Variants in PARP4 observed in about 807,000 individuals in gnomAD.
PARP4 encodes the protein poly(ADP-ribose) polymerase family member 4.
A neutral mutation model predicts 187.7 loss-of-function variants in PARP4; 120 were observed. That is an observed-to-expected ratio of 0.64 (90% CI 0.55 to 0.74). The LOEUF (loss-of-function observed/expected upper bound fraction) is 0.74, where lower values mean the gene tolerates loss of function less well. Among genes scored for constraint, PARP4 ranks in the 30% least tolerant of loss-of-function variants. The pLI is 0.00. For missense variants in PARP4, 1,836 were observed against 2,070.5 expected (o/e 0.89, Z 2.20); for synonymous variants, 654 against 740.9 (o/e 0.88, Z 1.90).
intron 23 of PARP4, 123 bp downstream of exon 23, chr13:24,453,464 A>C: frequency 1.8e-6 from 1 of 556,178 alleles, no homozygotes; most frequent in Non-Finnish European, 3.3e-6. Context: ...AGAGCCCACC[A>C]ATATACAAAA....
rs559509577 is a variant in PARP4 at position 24,453,964 on chromosome 13, A to G, written c.2759-310T>C. Among the ~76,000 whole-genome samples the G allele has an allele frequency of 2.8e-3, 423 of 152,116 alleles. 1 individual carries two copies. Among genetic ancestry groups the G allele is most frequent in the Middle Eastern group, 0.014 (4 of 294 alleles). On this transcript the variant is annotated intron_variant, in intron 22 of 33. Coordinates refer to ENST00000381989, the MANE Select transcript of PARP4 (RefSeq NM_006437.4). ...AACCCTGTCTCTGCTAAAAATACAAAAATTAGCTGGGTGTGGTGGTGAGCA... is the reference window on the plus strand; with the variant it reads ...AACCCTGTCTCTGCTAAAAATACAAGAATTAGCTGGGTGTGGTGGTGAGCA...
At chr13:24,492,904 A>G (rs961137718) in intron 8 of PARP4, among the ~76,000 whole-genome samples, 2 of 152,238 alleles carry the variant, frequency 1.3e-5, no homozygotes, top group African/African-American at 2.4e-5. Context: ...ACTGTGATAG[A>G]CTTGCTTTTC....
intron 12 of PARP4, among the ~76,000 whole-genome samples, chr13:24,481,302 T>TA (rs1873266871): frequency 6.6e-6 from 1 of 152,244 alleles, no homozygotes; most frequent in Non-Finnish European, 1.5e-5. Context: ...GATGGAGAGG[T>TA]ACAAGGAATT....
intron 20 of PARP4, among the ~76,000 whole-genome samples, chr13:24,457,770 CAAAAAAAAAAAAAAAAA>C (rs33930012): frequency 1.2e-5 from 1 of 85,666 alleles, no homozygotes; most frequent in Non-Finnish European, 2.2e-5. Flanking sequence ...GACTCTGTCT[CAAAAAAAAAAAAAAAAA>C]AAAAAAAAAG....
At chr13:24,470,989 T>C (rs1722827554) in intron 15 of PARP4, among the ~76,000 whole-genome samples, 2 of 152,166 alleles carry the variant, frequency 1.3e-5, no homozygotes, top group South Asian at 4.1e-4. Flanking sequence ...AATCCCGGTC[T>C]GGCCAGCCAC....
Position 24,442,015 on chromosome 13 carries a change from T to C in PARP4, c.3544-47A>G, listed in dbSNP as rs1473034257. On this transcript the variant is annotated intron_variant, in intron 29 of 33. Coordinates refer to ENST00000381989, the MANE Select transcript of PARP4 (RefSeq NM_006437.4). ...TTAAATCAAACAGATGTTATCCAAT[T>C]AAATGATGACTACACATTCTAAAGC... The C allele has an allele frequency of 1.5e-5, 22 of 1,456,314 alleles. 1 individual carries two copies. In the South Asian group the frequency reaches 2.7e-4, roughly 18 times the overall value. The allele number at this position is 1,456,314 out of a possible 1,614,324, so 90.2% of individuals were successfully genotyped here.
rs1270327807 is a variant in PARP4, at chr13:24,434,665, C to A, written c.4476G>T (p.Arg1492=). 6.2e-7 allele frequency: 1 copy of A among 1,614,010 alleles called. No individual in the cohort carries two copies. Among genetic ancestry groups the A allele is most frequent in the Non-Finnish European group, 8.5e-7 (1 of 1,179,978 alleles). Residue 1492 remains arginine, a synonymous_variant, in exon 31 of 34, where the codon CGG becomes CGT. Transcript: ENST00000381989. Reference sequence around the variant, plus strand: ...GAAGACAGAGATCTACTGGGGTAGTCCGGGACTGACTGCAAAGAGCCTCAG... The same window carrying A: ...GAAGACAGAGATCTACTGGGGTAGTACGGGACTGACTGCAAAGAGCCTCAG... ...ALPEALCSQS[R]TTPVDLCLLE... is the part of the protein sequence containing the mutation.
chr13:24,512,213 G>T (rs1870052196), intron 1 of PARP4, among the ~76,000 whole-genome samples: 1 of 152,194 alleles, frequency 6.6e-6, no homozygotes, highest in Non-Finnish European at 1.5e-5. Flanking sequence ...CTGAGTTAGA[G>T]GTTTTCAACT....
At position 24,477,554 on chromosome 13, in the gene PARP4, G is replaced by A. The variant is rs1007231181; in HGVS notation, c.1789+147C>T. On this transcript the variant is annotated intron_variant, in intron 14 of 33. Coordinates refer to ENST00000381989, the MANE Select transcript of PARP4 (RefSeq NM_006437.4). The stretch of plus-strand genomic sequence containing the variant: ...TGTTAACACTGAGAGAAATTTGTGG[G>A]AAACAATTTTGAGATTGAAAGGAAA... 7 of 549,858 alleles carry A rather than the reference G, an allele frequency of 1.3e-5. No homozygotes were observed. In the African/African-American group the frequency reaches 1.4e-4, roughly 11 times the overall value. 34.1% of individuals were successfully genotyped at this position (549,858 alleles called of 1,614,324 possible). A position where few individuals can be genotyped will look rare whatever the true frequency, so the allele number is the denominator to read the frequency against.
chr13:24,508,158 A>T (rs1022391269), intron 1 of PARP4, among the ~76,000 whole-genome samples: 1 of 151,108 alleles, frequency 6.6e-6, no homozygotes, highest in African/African-American at 2.4e-5. Flanking sequence ...TGCTAGTCGT[A>T]ATCTCTGACA....
At chr13:24,453,083 C>A (rs1051308398) in intron 23 of PARP4, among the ~76,000 whole-genome samples, 4 of 151,940 alleles carry the variant, frequency 2.6e-5, no homozygotes, top group Non-Finnish European at 4.4e-5. Flanking sequence ...TACAGGTGTC[C>A]GTCACTACGC....
At chr13:24,486,939 G>A (rs1873592886) in intron 10 of PARP4, among the ~76,000 whole-genome samples, 4 of 151,232 alleles carry the variant, frequency 2.6e-5, no homozygotes, top group Admixed American at 2.6e-4. Context: ...TCCAGACTGG[G>A]CGACAGAACG....
intron 20 of PARP4, among the ~76,000 whole-genome samples, chr13:24,456,892 C>T (rs1871887118): frequency 6.6e-6 from 1 of 152,022 alleles, no homozygotes; most frequent in Non-Finnish European, 1.5e-5. Context: ...AACAGGGAAA[C>T]TCTGTCTCAA....
At chr13:24,506,227 T>C (rs1187016448) in intron 1 of PARP4, among the ~76,000 whole-genome samples, 1 of 152,188 alleles carries the variant, frequency 6.6e-6, no homozygotes, top group East Asian at 1.9e-4. Context: ...AGGCGGCGCA[T>C]CCAGAGTTTG....
At chr13:24,468,076 T>C (rs929655477) in intron 17 of PARP4, among the ~76,000 whole-genome samples, 4 of 152,150 alleles carry the variant, frequency 2.6e-5, no homozygotes, top group African/African-American at 9.7e-5. Flanking sequence ...TGGCCATGTG[T>C]CACCCTCAGA....
intron 5 of PARP4, among the ~76,000 whole-genome samples, chr13:24,499,013 T>G (rs1011395649): frequency 5.3e-5 from 8 of 152,164 alleles, no homozygotes; most frequent in African/African-American, 1.9e-4. Context: ...CTGTTAAAAA[T>G]CAGGTCTGGG....
At position 24,477,586 on chromosome 13, in the gene PARP4, A is replaced by G. The variant is rs139974327; in HGVS notation, c.1789+115T>C. On this transcript the variant is annotated intron_variant, in intron 14 of 33. Coordinates refer to ENST00000381989, the MANE Select transcript of PARP4 (RefSeq NM_006437.4). ...TTTTGAGATTGAAAGGAAATGAAAT[A>G]CTTATGGATGAGGTCATAGATATAA... 3.8e-4 allele frequency: 248 copies of G among 653,596 alleles called. 1 individual carries two copies. The African/African-American group carries it at 4.4e-3, about 12-fold the overall frequency. The allele number at this position is 653,596 out of a possible 1,614,324, so 40.5% of individuals were successfully genotyped here. A position where few individuals can be genotyped will look rare whatever the true frequency, so the allele number is the denominator to read the frequency against.
intron 15 of PARP4, among the ~76,000 whole-genome samples, chr13:24,471,480 G>A (rs1245762410): frequency 2.0e-5 from 3 of 152,114 alleles, no homozygotes; most frequent in Non-Finnish European, 4.4e-5. Flanking sequence ...CTAATACAAT[G>A]TAACAAATTT....
At chr13:24,497,392 C>T (rs567774263) in intron 6 of PARP4, among the ~76,000 whole-genome samples, 3 of 152,212 alleles carry the variant, frequency 2.0e-5, no homozygotes, top group Admixed American at 1.3e-4. Flanking sequence ...CAGCCCTAGT[C>T]GATTGCTTGG....
Sources: gnomAD v4.1 joint callset for allele counts (sites outside exome capture counted in the v4.1 genomes callset) on GRCh38, gnomAD v4.1.1 for gene constraint, MANE v1.5 for transcripts, NCBI Gene and HGNC (gene_info 2026-07-23, HGNC 2026-07-21) for gene names.